The following SYNDIG1L variants were observed in gnomAD, a reference collection of about 807,000 sequenced individuals.
The protein encoded by SYNDIG1L is synapse differentiation inducing 1 like.
In SYNDIG1L, 13 loss-of-function variants were observed where a neutral mutation model predicts 20.1. That is an observed-to-expected ratio of 0.65 (90% CI 0.42 to 1.03). The LOEUF (loss-of-function observed/expected upper bound fraction) is 1.03. Ranked by LOEUF, SYNDIG1L falls within the 50% of genes least tolerant of loss-of-function variation. The probability of loss-of-function intolerance (pLI) is 0.00; values close to 1 mark genes in which losing one functional copy is unlikely to be tolerated. For missense variants in SYNDIG1L, 294 were observed against 305.1 expected (o/e 0.96, Z 0.27); for synonymous variants, 128 against 129.3 (o/e 0.99, Z 0.07).
intron 1 of SYNDIG1L, among the ~76,000 whole-genome samples, chr14:74,423,712 AC>A (rs1361725661): frequency 1.4e-5 from 2 of 142,482 alleles, no homozygotes; most frequent in African/African-American, 2.6e-5. Flanking sequence ...ACACACACAC[AC>A]ACGTAACACA....
At chr14:74,424,388 C>T (rs994434610) in intron 1 of SYNDIG1L, among the ~76,000 whole-genome samples, 1 of 152,230 alleles carries the variant, frequency 6.6e-6, no homozygotes, top group African/African-American at 2.4e-5. Flanking sequence ...CCTCATTTTA[C>T]ACCCGATTAC....
intron 1 of SYNDIG1L, among the ~76,000 whole-genome samples, chr14:74,410,944 C>T (rs2139621474): frequency 6.6e-6 from 1 of 152,274 alleles, no homozygotes; most frequent in East Asian, 1.9e-4. Context: ...ACACTCAGGG[C>T]TTCCCTTCCT....
the SYNDIG1L span, chr14:74,474,377 C>A: frequency 1.3e-5 from 2 of 152,204 alleles, no homozygotes; most frequent in Non-Finnish European, 2.9e-5. Context: ...TTGTTCCTGC[C>A]AAGCCAAGCC....
chr14:74,427,056 AG>A (rs1479804258), upstream of SYNDIG1L, among the ~76,000 whole-genome samples: 1 of 150,724 alleles, frequency 6.6e-6, no homozygotes, highest in Non-Finnish European at 1.5e-5. Flanking sequence ...ATCCGAATGC[AG>A]GCCTTTTGGC....
At chr14:74,412,558 CTTG>C in intron 1 of SYNDIG1L, among the ~76,000 whole-genome samples, 1 of 152,346 alleles carries the variant, frequency 6.6e-6, no homozygotes, top group South Asian at 2.1e-4. Flanking sequence ...GAAGTGAAGT[CTTG>C]TTGTCCTCTG....
At chr14:74,436,605 T>C in the SYNDIG1L span, among the ~76,000 whole-genome samples, 1 of 151,678 alleles carries the variant, frequency 6.6e-6, no homozygotes, top group East Asian at 2.0e-4. Context: ...TCCCAGCACT[T>C]TGGGGGGCCG....
chr14:74,417,108 G>T (rs1432039249), intron 1 of SYNDIG1L, among the ~76,000 whole-genome samples: 1 of 152,216 alleles, frequency 6.6e-6, no homozygotes, highest in African/African-American at 2.4e-5. Flanking sequence ...TCTTTAACAT[G>T]TGGGGAAACT....
At chr14:74,411,282 G>A (rs1015525026) in intron 1 of SYNDIG1L, among the ~76,000 whole-genome samples, 31 of 152,212 alleles carry the variant, frequency 2.0e-4, no homozygotes, top group African/African-American at 6.3e-4. Flanking sequence ...GTTGTTTTGT[G>A]GAGCCAAAGA....
chr14:74,433,040 G>T, the SYNDIG1L span, among the ~76,000 whole-genome samples: 1 of 152,112 alleles, frequency 6.6e-6, no homozygotes, highest in Non-Finnish European at 1.5e-5. Flanking sequence ...TTTAATAAGT[G>T]CCAGGTCTTG....
chr14:74,444,349 T>C, the SYNDIG1L span, among the ~76,000 whole-genome samples: 3 of 151,888 alleles, frequency 2.0e-5, no homozygotes, highest in East Asian at 5.9e-4. Context: ...CGTGAGCCAC[T>C]GTGTCCAGCC....
At position 74,407,563 on chromosome 14, in the gene SYNDIG1L, G is replaced by A; in HGVS notation, c.689C>T (p.Ala230Val). The change falls in exon 4 of 4, where the codon GCT becomes GTT. Residue 230 changes from alanine to valine, a missense_variant. Ala to Val is a moderately conservative substitution (Grantham distance 64). Coordinates refer to ENST00000331628, the MANE Select transcript of SYNDIG1L (RefSeq NM_001105579.2). The part of the protein sequence containing the change: ...LYVAVVVALA[A>V]YMSQNGHG ...GCCATGACCGTTCTGGGACATGTAA[G>A]CTGCCAGAGCCACCACCACAGCCAC... 1 of 1,614,002 alleles carries A rather than the reference G, an allele frequency of 6.2e-7. No individual in the cohort carries two copies. The highest frequency in any genetic ancestry group is 1.1e-5 in the South Asian group (1 of 91,082).
At chr14:74,479,621 C>G in the SYNDIG1L span, 1 of 157,098 alleles carries the variant, frequency 6.4e-6, no homozygotes, top group Non-Finnish European at 1.4e-5. Context: ...CTCATCCTAA[C>G]CTGTAATCCC....
the SYNDIG1L span, among the ~76,000 whole-genome samples, chr14:74,446,539 C>A: frequency 6.7e-6 from 1 of 149,884 alleles, no homozygotes; most frequent in Non-Finnish European, 1.5e-5. Flanking sequence ...GCTATTACAA[C>A]AAATGTAAAT....
chr14:74,440,035 G>A, the SYNDIG1L span, among the ~76,000 whole-genome samples: 1 of 151,982 alleles, frequency 6.6e-6, no homozygotes, highest in South Asian at 2.1e-4. Context: ...GTACTTTTCA[G>A]TACAATAGGA....
chr14:74,452,991 ACAGT>A, the SYNDIG1L span, among the ~76,000 whole-genome samples: 1 of 152,340 alleles, frequency 6.6e-6, no homozygotes, highest in African/African-American at 2.4e-5. Flanking sequence ...AAGTGTACAT[ACAGT>A]ATTACTCCAT....
At chr14:74,457,465 G>A in the SYNDIG1L span, among the ~76,000 whole-genome samples, 1,405 of 151,960 alleles carry the variant, frequency 9.2e-3, 25 homozygotes, top group African/African-American at 0.031. Flanking sequence ...TGGGCCTCCC[G>A]CACCCTCCTT....
chr14:74,476,524 T>C, the SYNDIG1L span: 1 of 1,535,678 alleles, frequency 6.5e-7, no homozygotes, highest in Non-Finnish European at 8.7e-7. Flanking sequence ...TAGTCTCCAT[T>C]TGCAACTGCA....
At chr14:74,447,269 G>A in the SYNDIG1L span, among the ~76,000 whole-genome samples, 1 of 152,068 alleles carries the variant, frequency 6.6e-6, no homozygotes, top group Non-Finnish European at 1.5e-5. Flanking sequence ...AACAATAATA[G>A]CAAAGATTGG....
chr14:74,438,596 C>A, the SYNDIG1L span, among the ~76,000 whole-genome samples: 9 of 152,160 alleles, frequency 5.9e-5, no homozygotes, highest in Non-Finnish European at 1.2e-4. Flanking sequence ...ATGGGTGACA[C>A]ACAGACTGAA....
Sources: gnomAD v4.1 joint callset for allele counts (sites outside exome capture counted in the v4.1 genomes callset) on GRCh38, gnomAD v4.1.1 for gene constraint, MANE v1.5 for transcripts, NCBI Gene and HGNC (gene_info 2026-07-23, HGNC 2026-07-21) for gene names.